XKR4: variants seen among roughly 807,000 people sequenced by gnomAD.
XKR4 encodes the protein XK-related protein 4.
Under a neutral mutation model 53.9 loss-of-function variants are expected in XKR4, and 12 were observed. That is an observed-to-expected ratio of 0.22 (90% CI 0.14 to 0.36). The LOEUF is 0.36. Among genes scored for constraint, XKR4 ranks in the 10% least tolerant of loss-of-function variants. XKR4 has a pLI of 1.00. For synonymous variants in XKR4, 354 were observed against 362.4 expected (o/e 0.98, Z 0.26); for missense variants, 799 against 859.5 (o/e 0.93, Z 0.88).
intron 1 of XKR4, among the ~76,000 whole-genome samples, chr8:55,354,317 G>A (rs1216315957): frequency 2.6e-5 from 4 of 152,198 alleles, no homozygotes; most frequent in Non-Finnish European, 5.9e-5. Context: ...TGATGCTACT[G>A]GAGCAGGCTG....
At chr8:55,514,682 A>C (rs1003167730) in intron 2 of XKR4, among the ~76,000 whole-genome samples, 5 of 152,154 alleles carry the variant, frequency 3.3e-5, no homozygotes, top group Non-Finnish European at 5.9e-5. Context: ...AAAAACAAAC[A>C]AAAAAATCAT....
intron 2 of XKR4, among the ~76,000 whole-genome samples, chr8:55,499,167 G>A (rs922079264): frequency 1.3e-5 from 2 of 152,168 alleles, no homozygotes; most frequent in African/African-American, 2.4e-5. Context: ...GAAACTATAG[G>A]CACCAAAGTT....
At chr8:55,483,588 C>T (rs1267228466) in intron 2 of XKR4, among the ~76,000 whole-genome samples, 2 of 151,800 alleles carry the variant, frequency 1.3e-5, no homozygotes, top group East Asian at 3.9e-4. Flanking sequence ...CTAAACAACA[C>T]CCTTCAAAAA....
chr8:55,234,744 G>T (rs1432519443), intron 1 of XKR4, among the ~76,000 whole-genome samples: 1 of 152,158 alleles, frequency 6.6e-6, no homozygotes, highest in African/African-American at 2.4e-5. Flanking sequence ...ATACTGAATG[G>T]CTCATCATCA....
intron 1 of XKR4, among the ~76,000 whole-genome samples, chr8:55,341,243 A>G (rs1299056517): frequency 8.5e-5 from 13 of 152,170 alleles, no homozygotes; most frequent in Admixed American, 7.9e-4. Flanking sequence ...CTGGGACCCA[A>G]GCCCACTGGG....
intron 1 of XKR4, chr8:55,142,500 G>T (rs1816720524): frequency 4.3e-5 from 7 of 160,926 alleles, no homozygotes; most frequent in Admixed American, 4.2e-4. Flanking sequence ...AAAATGAAGA[G>T]ATTTCTATAT....
At chr8:55,148,631 C>G (rs1240287618) in intron 1 of XKR4, among the ~76,000 whole-genome samples, 1 of 152,010 alleles carries the variant, frequency 6.6e-6, no homozygotes, top group Non-Finnish European at 1.5e-5. Flanking sequence ...CCCAGCAAAC[C>G]ATGTTATATT....
At chr8:55,428,077 A>ATG (rs553951078) in intron 2 of XKR4, among the ~76,000 whole-genome samples, 166 of 152,334 alleles carry the variant, frequency 1.1e-3, no homozygotes, top group African/African-American at 3.8e-3. Flanking sequence ...ATACAACTTT[A>ATG]TGTGCTTTAA....
intron 2 of XKR4, among the ~76,000 whole-genome samples, chr8:55,515,403 T>C (rs1412412851): frequency 6.6e-6 from 1 of 152,140 alleles, no homozygotes; most frequent in East Asian, 1.9e-4. Context: ...GTTGTCGTGT[T>C]TTTTTTTCAA....
chr8:55,249,527 A>G lies in XKR4; in HGVS notation c.807-108151A>G, dbSNP rs181288408. Among the ~76,000 whole-genome samples the G allele has an allele frequency of 2.6e-5, 4 of 152,288 alleles. No individual in the cohort carries two copies. In the East Asian group the frequency reaches 7.7e-4, roughly 29 times the overall value. On this transcript the variant is annotated intron_variant, in intron 1 of 2. Transcript: ENST00000327381. ...AGGAGTTCATCCCTGGGCCAAGTGC[A>G]TGGTGCTGCTTACATGCTTTATGGA... is the stretch of plus-strand genomic sequence containing the variant.
At chr8:55,268,385 C>T (rs1244759931) in intron 1 of XKR4, among the ~76,000 whole-genome samples, 1 of 152,098 alleles carries the variant, frequency 6.6e-6, no homozygotes, top group East Asian at 1.9e-4. Flanking sequence ...ATGTTAGTCT[C>T]AAGGTAAAAT....
intron 1 of XKR4, among the ~76,000 whole-genome samples, chr8:55,295,307 T>C (rs1249508540): frequency 6.6e-6 from 1 of 152,150 alleles, no homozygotes; most frequent in Non-Finnish European, 1.5e-5. Context: ...AAAAAGGGGA[T>C]CATTTCCAGC....
At chr8:55,385,148 G>A (rs1428899034) in intron 2 of XKR4, among the ~76,000 whole-genome samples, 2 of 152,118 alleles carry the variant, frequency 1.3e-5, no homozygotes, top group Non-Finnish European at 2.9e-5. Context: ...AAAGATATAG[G>A]AGTCATTGAC....
At chr8:55,491,201 C>CTCATGATG (rs1270170686) in intron 2 of XKR4, among the ~76,000 whole-genome samples, 4 of 152,080 alleles carry the variant, frequency 2.6e-5, no homozygotes, top group African/African-American at 9.7e-5. Flanking sequence ...CTTTTCTTTC[C>CTCATGATG]TCATGATGTC....
chr8:55,452,730 C>T, intron 2 of XKR4: 1 of 962,412 alleles, frequency 1.0e-6, no homozygotes, highest in Non-Finnish European at 1.7e-6. Flanking sequence ...AGCTACATTG[C>T]AGGTCTCTCT....
rs541591130 is a variant in XKR4 at position 55,172,304 on chromosome 8, G to A, written c.806+69010G>A. ...TCTCTGCCTCAGTTTCCTCATCTCT[G>A]AAATGGAGATCATCATGCTTTATTT... On this transcript the variant is annotated intron_variant, in intron 1 of 2. Coordinates refer to ENST00000327381, the MANE Select transcript of XKR4 (RefSeq NM_052898.2). 4.0e-5 allele frequency among the ~76,000 whole-genome samples: 6 copies of A among 151,866 alleles called. No individual in the cohort carries two copies. The East Asian group carries it at 1.2e-3, about 29-fold the overall frequency.
intron 2 of XKR4, among the ~76,000 whole-genome samples, chr8:55,459,732 AC>A (rs1805620608): frequency 1.3e-5 from 2 of 152,174 alleles, no homozygotes; most frequent in South Asian, 4.1e-4. Flanking sequence ...AAAAGCGCAC[AC>A]CCACTATAAT....
chr8:55,151,977 T>C (rs995959212), intron 1 of XKR4, among the ~76,000 whole-genome samples: 4 of 152,208 alleles, frequency 2.6e-5, no homozygotes, highest in Non-Finnish European at 5.9e-5. Flanking sequence ...TTAAATTAAA[T>C]TCCTAGAAAT....
intron 2 of XKR4, among the ~76,000 whole-genome samples, chr8:55,429,932 C>T (rs1805074758): frequency 6.6e-6 from 1 of 151,898 alleles, no homozygotes; most frequent in African/African-American, 2.4e-5. Context: ...GCTCTCAAAA[C>T]TCAACAATAA....
Sources: gnomAD v4.1 joint callset for allele counts (sites outside exome capture counted in the v4.1 genomes callset) on GRCh38, gnomAD v4.1.1 for gene constraint, MANE v1.5 for transcripts, NCBI Gene and HGNC (gene_info 2026-07-23, HGNC 2026-07-21) for gene names.